The following PIK3C2G variants were observed in gnomAD, a reference collection of about 807,000 sequenced individuals.
PIK3C2G encodes phosphatidylinositol 3-kinase C2 domain-containing subunit gamma.
A neutral mutation model predicts 181.1 loss-of-function variants in PIK3C2G; 168 were observed. That is an observed-to-expected ratio of 0.93 (90% CI 0.82 to 1.05). The LOEUF (loss-of-function observed/expected upper bound fraction) is 1.05, where lower values mean the gene tolerates loss of function less well. Ranked by LOEUF, PIK3C2G falls within the 50% of genes least tolerant of loss-of-function variation. The pLI is 0.00. For synonymous variants in PIK3C2G, 573 were observed against 592.2 expected (o/e 0.97, Z 0.47); for missense variants, 1,869 against 1,732.8 (o/e 1.08, Z -1.40).
chr12:18,600,242 A>C (rs2136533208), intron 30 of PIK3C2G, among the ~76,000 whole-genome samples: 1 of 152,104 alleles, frequency 6.6e-6, no homozygotes, highest in South Asian at 2.1e-4. Context: ...ACAAAGTGAA[A>C]ATTTAATGGA....
At chr12:18,428,705 A>AGTCT (rs1249463073) in intron 18 of PIK3C2G, among the ~76,000 whole-genome samples, 3 of 152,178 alleles carry the variant, frequency 2.0e-5, no homozygotes, top group African/African-American at 7.2e-5. Flanking sequence ...GGCTCACGTG[A>AGTCT]GTCTCTTCCA....
At chr12:18,551,077 T>G (rs1018155952) in intron 26 of PIK3C2G, among the ~76,000 whole-genome samples, 1 of 152,168 alleles carries the variant, frequency 6.6e-6, no homozygotes, top group South Asian at 2.1e-4. Context: ...CCTGTACAAT[T>G]AATGGTATTT....
intron 29 of PIK3C2G, among the ~76,000 whole-genome samples, chr12:18,568,800 A>C (rs1415879713): frequency 2.0e-5 from 3 of 152,180 alleles, no homozygotes; most frequent in Admixed American, 6.5e-5. Context: ...GGAACTAAAA[A>C]CATTGTGAAG....
chr12:18,336,853 T>A (rs2137581566), intron 8 of PIK3C2G, among the ~76,000 whole-genome samples: 1 of 152,278 alleles, frequency 6.6e-6, no homozygotes, highest in Non-Finnish European at 1.5e-5. Context: ...GTTTCGGATT[T>A]GTAAAATTAC....
At chr12:18,506,529 T>C (rs979341092) in intron 24 of PIK3C2G, among the ~76,000 whole-genome samples, 9 of 152,192 alleles carry the variant, frequency 5.9e-5, no homozygotes, top group African/African-American at 2.2e-4. Flanking sequence ...GATCTGCTAA[T>C]TGATTGGACG....
chr12:18,343,395 A>G, intron 10 of PIK3C2G, 35 bp downstream of exon 10: 2 of 1,152,090 alleles, frequency 1.7e-6, no homozygotes, highest in Non-Finnish European at 2.5e-6. Context: ...TTTTGAAATA[A>G]AGAAAAAAAT....
intron 16 of PIK3C2G, among the ~76,000 whole-genome samples, chr12:18,401,275 C>A (rs1457050623): frequency 6.6e-6 from 1 of 152,060 alleles, no homozygotes; most frequent in African/African-American, 2.4e-5. Flanking sequence ...TTATTTCCTA[C>A]ATGACTTTGT....
the PIK3C2G span, among the ~76,000 whole-genome samples, chr12:18,678,575 TG>T: frequency 6.6e-6 from 1 of 152,202 alleles, no homozygotes; most frequent in African/African-American, 2.4e-5. Flanking sequence ...TTGCATTTTT[TG>T]TTCTTTTGAA....
chr12:18,693,260 G>A, the PIK3C2G span: 4 of 1,532,474 alleles, frequency 2.6e-6, no homozygotes, highest in Non-Finnish European at 3.6e-6. Context: ...CCATGATAGG[G>A]GTGCTGATGG....
chr12:18,486,786 G>A (rs150478023), intron 18 of PIK3C2G, among the ~76,000 whole-genome samples: 50 of 152,158 alleles, frequency 3.3e-4, no homozygotes, highest in Admixed American at 9.2e-4. Flanking sequence ...ACTATAAAAT[G>A]GTACATTACC....
chr12:18,706,592 A>T, the PIK3C2G span, among the ~76,000 whole-genome samples: 1 of 152,194 alleles, frequency 6.6e-6, no homozygotes, highest in East Asian at 1.9e-4. Context: ...TGTAACTTCA[A>T]AACTTGCCAT....
At chr12:18,650,331 C>CTCTCTATATA (rs1555163997), downstream of PIK3C2G, among the ~76,000 whole-genome samples, 2 of 91,984 alleles carry the variant, frequency 2.2e-5, no homozygotes, top group Non-Finnish European at 4.1e-5. Context: ...CTCTCTCTCT[C>CTCTCTATATA]TATATATATA....
chr12:18,555,201 T>C (rs1276343927), intron 26 of PIK3C2G, among the ~76,000 whole-genome samples: 2 of 152,174 alleles, frequency 1.3e-5, no homozygotes, highest in African/African-American at 4.8e-5. Context: ...TGAAATACGC[T>C]GTCATAGAAA....
rs1381803278 is a variant in PIK3C2G at position 18,503,191 on chromosome 12, AGT to A, written c.3017-88_3017-87del. 2.9e-3 allele frequency: 2,480 copies of A among 866,588 alleles called. 16 individuals carry two copies. Among genetic ancestry groups the A allele is most frequent in the Non-Finnish European group, 3.1e-3 (1,786 of 569,840 alleles). The allele number at this position is 866,588 out of a possible 1,614,324, so 53.7% of individuals were successfully genotyped here. On this transcript the variant is annotated intron_variant, in intron 22 of 32. Transcript: ENST00000538779. Reference sequence around the variant, plus strand: ...TTGAAAAGGAAAGGGGTAATCCAGTAGTGCTGGAAGCTATTGTTGTTATATTT... The same window carrying A: ...TTGAAAAGGAAAGGGGTAATCCAGTAGCTGGAAGCTATTGTTGTTATATTT...
intron 24 of PIK3C2G, among the ~76,000 whole-genome samples, chr12:18,524,089 G>T (rs1406419282): frequency 6.6e-6 from 1 of 152,122 alleles, no homozygotes; most frequent in Admixed American, 6.5e-5. Context: ...TTCTAAATGA[G>T]CCCAGGTGGT....
the PIK3C2G span, among the ~76,000 whole-genome samples, chr12:18,677,499 G>A: frequency 6.6e-6 from 1 of 152,066 alleles, no homozygotes; most frequent in African/African-American, 2.4e-5. Flanking sequence ...TCCAGTTCAG[G>A]AGGTCTAGGG....
chr12:18,435,408 G>A (rs1034907206), intron 18 of PIK3C2G, among the ~76,000 whole-genome samples: 1 of 151,898 alleles, frequency 6.6e-6, no homozygotes, highest in African/African-American at 2.4e-5. Flanking sequence ...CCTCCACACT[G>A]CTCTCAGAAT....
At chr12:18,706,603 T>C in the PIK3C2G span, among the ~76,000 whole-genome samples, 1 of 152,154 alleles carries the variant, frequency 6.6e-6, no homozygotes, top group Non-Finnish European at 1.5e-5. Context: ...AACTTGCCAT[T>C]AAATAGGGAA....
At chr12:18,403,165 T>C (rs1592168348) in intron 16 of PIK3C2G, among the ~76,000 whole-genome samples, 2 of 152,330 alleles carry the variant, frequency 1.3e-5, no homozygotes, top group African/African-American at 4.8e-5. Flanking sequence ...CATGCTCAGA[T>C]GTTTCTACTT....
Sources: allele counts gnomAD v4.1 joint callset (sites outside exome capture counted in the v4.1 genomes callset), GRCh38; gene constraint gnomAD v4.1.1; transcripts MANE v1.5; gene names NCBI Gene and HGNC (gene_info 2026-07-23, HGNC 2026-07-21).